IGF2BP3: variants seen among roughly 807,000 people sequenced by gnomAD.
The protein encoded by IGF2BP3 is insulin-like growth factor 2 mRNA-binding protein 3.
Under a neutral mutation model 73.8 loss-of-function variants are expected in IGF2BP3, and 9 were observed. The ratio of observed to expected loss-of-function variants is 0.12; its 90% confidence interval spans 0.07 to 0.21. IGF2BP3 has a LOEUF of 0.21. Ranked by LOEUF, IGF2BP3 falls within the 10% of genes least tolerant of loss-of-function variation. The pLI is 1.00. For synonymous variants in IGF2BP3, 258 were observed against 256.7 expected (o/e 1.01, Z -0.05); for missense variants, 542 against 714.0 (o/e 0.76, Z 2.75).
chr7:23,376,206 A>C (rs1407119616), intron 3 of IGF2BP3, among the ~76,000 whole-genome samples: 1 of 152,184 alleles, frequency 6.6e-6, no homozygotes, highest in Admixed American at 6.5e-5. Context: ...AGAAGTCTTA[A>C]ACTCTGCTGG....
In IGF2BP3 at chr7:23,329,327, A is replaced by G. The variant is rs541231049; in HGVS notation, c.1204-10073T>C. Among the ~76,000 whole-genome samples the G allele has an allele frequency of 2.4e-4, 37 of 152,340 alleles. No homozygotes were observed. In the South Asian group the frequency reaches 2.7e-3, roughly 11 times the overall value. On this transcript the variant is annotated intron_variant, in intron 10 of 14. Coordinates refer to ENST00000258729, the MANE Select transcript of IGF2BP3 (RefSeq NM_006547.3). ...CAAACGTCCCTACTGCATTTTGACA[A>G]GAGTATTCCCTCAAATAGATATACC... is the stretch of plus-strand genomic sequence containing the variant.
intron 2 of IGF2BP3, among the ~76,000 whole-genome samples, chr7:23,427,825 G>A (rs879936090): frequency 2.0e-5 from 3 of 152,048 alleles, no homozygotes; most frequent in South Asian, 2.1e-4. Flanking sequence ...GGCCAAGATG[G>A]TGAAATCCCA....
At chr7:23,428,754 G>T in intron 2 of IGF2BP3, among the ~76,000 whole-genome samples, 1 of 147,632 alleles carries the variant, frequency 6.8e-6, no homozygotes. Context: ...GGAGTCCAAA[G>T]ATATTATTTC....
At chr7:23,351,029 T>C (rs1033094661) in intron 6 of IGF2BP3, among the ~76,000 whole-genome samples, 1 of 152,220 alleles carries the variant, frequency 6.6e-6, no homozygotes, top group Non-Finnish European at 1.5e-5. Flanking sequence ...GCTGCCTTTC[T>C]GTCTTCCAGA....
intron 8 of IGF2BP3, among the ~76,000 whole-genome samples, chr7:23,345,293 T>C (rs922450046): frequency 2.0e-5 from 3 of 152,384 alleles, no homozygotes; most frequent in Admixed American, 2.0e-4. Flanking sequence ...GTCACCCAGT[T>C]ATCTGTAGTC....
chr7:23,416,508 A>T (rs1317478482), intron 3 of IGF2BP3, among the ~76,000 whole-genome samples: 1 of 152,194 alleles, frequency 6.6e-6, no homozygotes, highest in Non-Finnish European at 1.5e-5. Flanking sequence ...TTGTAAACTC[A>T]AAGTTAGATT....
chr7:23,432,935 A>C (rs1008866561), intron 2 of IGF2BP3, among the ~76,000 whole-genome samples: 4 of 152,234 alleles, frequency 2.6e-5, no homozygotes, highest in African/African-American at 4.8e-5. Context: ...CCCAGCCTGT[A>C]TATGTGCCTT....
intron 5 of IGF2BP3, among the ~76,000 whole-genome samples, chr7:23,359,950 C>T (rs1785184347): frequency 6.6e-6 from 1 of 151,468 alleles, no homozygotes; most frequent in South Asian, 2.1e-4. Flanking sequence ...ATATAAATTG[C>T]CAAAAAATTT....
chr7:23,331,864 A>G (rs929233516), intron 10 of IGF2BP3, among the ~76,000 whole-genome samples: 1 of 151,880 alleles, frequency 6.6e-6, no homozygotes, highest in African/African-American at 2.4e-5. Context: ...TCTCAGAAAA[A>G]AAAAAAAAAG....
intron 2 of IGF2BP3, among the ~76,000 whole-genome samples, chr7:23,432,154 C>T (rs970800842): frequency 5.3e-5 from 8 of 152,152 alleles, no homozygotes; most frequent in Non-Finnish European, 1.2e-4. Context: ...CATTTGCACA[C>T]GTTATCTCCA....
chr7:23,358,499 T>C (rs1432072097), intron 5 of IGF2BP3, among the ~76,000 whole-genome samples: 1 of 152,226 alleles, frequency 6.6e-6, no homozygotes, highest in African/African-American at 2.4e-5. Flanking sequence ...CACTTCAAAC[T>C]GCTCCAAGCA....
chr7:23,421,995 T>C (rs1432404335), intron 2 of IGF2BP3, among the ~76,000 whole-genome samples: 1 of 152,036 alleles, frequency 6.6e-6, no homozygotes, highest in Non-Finnish European at 1.5e-5. Flanking sequence ...TCCAGGTTCA[T>C]CTTGAACTCC....
intron 5 of IGF2BP3, among the ~76,000 whole-genome samples, chr7:23,356,955 A>T (rs753335259): frequency 2.6e-5 from 4 of 152,220 alleles, no homozygotes; most frequent in Non-Finnish European, 5.9e-5. Context: ...AATCAGTATA[A>T]ATACACTGAA....
intron 3 of IGF2BP3, among the ~76,000 whole-genome samples, chr7:23,399,853 G>GAGAAAAC (rs1786603563): frequency 6.6e-6 from 1 of 152,124 alleles, no homozygotes; most frequent in Non-Finnish European, 1.5e-5. Context: ...ATGTGTGTAT[G>GAGAAAAC]TTTGAAAACT....
intron 3 of IGF2BP3, among the ~76,000 whole-genome samples, chr7:23,366,187 G>A (rs1305703232): frequency 6.6e-6 from 1 of 151,684 alleles, no homozygotes; most frequent in African/African-American, 2.4e-5. Flanking sequence ...ACCCAGGCTG[G>A]AGTACAATGG....
rs181107807 is a variant in IGF2BP3, at chr7:23,378,720, C to A, written c.286-16979G>T. On this transcript the variant is annotated intron_variant, in intron 3 of 14. Transcript: ENST00000258729. ...TCCCGAGTAGCTGGGACTACAGGTG[C>A]ACGCCACCATGCCCAGCTAATTTTT... Among the ~76,000 whole-genome samples the A allele has an allele frequency of 6.0e-3, 914 of 151,914 alleles. 15 individuals carry two copies. Among genetic ancestry groups the A allele is most frequent in the African/African-American group, 0.021 (849 of 41,410 alleles).
rs566172909 is a variant in IGF2BP3 at position 23,312,981 on chromosome 7, G to T, written c.1528-133C>A. The T allele has an allele frequency of 1.1e-4, 66 of 611,054 alleles. 2 individuals carry two copies. The South Asian group carries it at 1.4e-3, about 13-fold the overall frequency. 37.9% of individuals were successfully genotyped at this position (611,054 alleles called of 1,614,324 possible). A position where few individuals can be genotyped will look rare whatever the true frequency, so the allele number is the denominator to read the frequency against. ...TTTAATCCAGTGGTAATTCCATGAG[G>T]TTATTAGAATTATCCCCACTTCAAG... On this transcript the variant is annotated intron_variant, in intron 13 of 14. Transcript: ENST00000258729.
At chr7:23,446,911 C>T (rs1350602574) in intron 2 of IGF2BP3, among the ~76,000 whole-genome samples, 2 of 152,034 alleles carry the variant, frequency 1.3e-5, no homozygotes, top group African/African-American at 4.8e-5. Flanking sequence ...ATCAAAAATG[C>T]CTCACCTGGT....
At chr7:23,317,341 C>G (rs1270901796) in intron 12 of IGF2BP3, among the ~76,000 whole-genome samples, 1 of 152,182 alleles carries the variant, frequency 6.6e-6, no homozygotes, top group Non-Finnish European at 1.5e-5. Flanking sequence ...GTTTCCAAGG[C>G]ATATTAACCT....
Sources: gnomAD v4.1 joint callset for allele counts (sites outside exome capture counted in the v4.1 genomes callset) on GRCh38, gnomAD v4.1.1 for gene constraint, MANE v1.5 for transcripts, NCBI Gene and HGNC (gene_info 2026-07-23, HGNC 2026-07-21) for gene names.